Variants in ACOT11 observed in about 807,000 individuals in gnomAD.
ACOT11 encodes the protein acyl-CoA thioesterase 11, also known as acyl-coenzyme A thioesterase 11.
In ACOT11, 69 loss-of-function variants were observed where a neutral mutation model predicts 77.5. The ratio of observed to expected loss-of-function variants is 0.89; its 90% CI spans 0.73 to 1.09. ACOT11 has a LOEUF of 1.09. ACOT11 is among the 50% of genes least tolerant of loss of function. The pLI is 0.00. For missense variants in ACOT11, 766 were observed against 813.7 expected, an observed-to-expected ratio of 0.94 and a Z score of 0.71; for synonymous variants, 279 against 313.0, an observed-to-expected ratio of 0.89 and a Z score of 1.15.
downstream of ACOT11, among the ~76,000 whole-genome samples, chr1:54,613,959 C>T (rs150358159): frequency 1.1e-3 from 171 of 152,290 alleles, 2 homozygotes; most frequent in African/African-American, 3.9e-3. Flanking sequence ...TAATATAGTT[C>T]CTGCATTAAT....
At chr1:54,601,760 T>C (rs1643967124) in intron 9 of ACOT11, among the ~76,000 whole-genome samples, 1 of 152,196 alleles carries the variant, frequency 6.6e-6, no homozygotes, top group African/African-American at 2.4e-5. Context: ...CCCCTCGAGC[T>C]TTCAGTCTCC....
rs1306565152 is a variant in ACOT11 at position 54,607,291 on chromosome 1, G to T, written c.1502+26G>T. On this transcript the variant is annotated intron_variant, in intron 14 of 15. Transcript: ENST00000343744. This position sits in a 1 kb window ranked among gnomAD's most constrained non-coding sequence, Gnocchi z 4.5. Reference sequence around the variant, plus strand: ...GTGTGTGCCTATCTGCTGTGGGGTGGGGGACACAACTGGACAGGGTGGTAG... The same window carrying T: ...GTGTGTGCCTATCTGCTGTGGGGTGTGGGACACAACTGGACAGGGTGGTAG... The T allele has an allele frequency of 6.2e-7, 1 of 1,613,426 alleles. No individual in the cohort carries two copies. Among genetic ancestry groups the T allele is most frequent in the South Asian group, 1.1e-5 (1 of 91,072 alleles).
intron 1 of ACOT11, among the ~76,000 whole-genome samples, chr1:54,570,233 G>A (rs550960569): frequency 4.6e-5 from 7 of 152,288 alleles, no homozygotes; most frequent in African/African-American, 1.7e-4. Context: ...GGGCGTCTGC[G>A]GGAGGCTTCG....
rs1225877130 is a variant in ACOT11, at chr1:54,620,013, AGG to A, written c.1630-10720_1630-10719del. The A allele has an allele frequency of 4.4e-6, 7 of 1,578,382 alleles. No homozygotes were observed. The South Asian group carries it at 6.6e-5, about 15-fold the overall frequency. On this transcript the variant is annotated intron_variant, in intron 15 of 16. Transcript: ENST00000371316. ...GCAGGCCTCCAGCTCACAGCCTGGAAGGAATCCCAAGGGGCTGTTAGCGTCTG... is the reference window on the plus strand; with the variant it reads ...GCAGGCCTCCAGCTCACAGCCTGGAAAATCCCAAGGGGCTGTTAGCGTCTG...
chr1:54,588,423 G>A (rs1654581973), intron 3 of ACOT11, among the ~76,000 whole-genome samples: 1 of 152,144 alleles, frequency 6.6e-6, no homozygotes, highest in South Asian at 2.1e-4. Flanking sequence ...TTATTTTACA[G>A]ATGAGGAAAC....
intron 9 of ACOT11, among the ~76,000 whole-genome samples, chr1:54,602,214 G>C (rs1643973092): frequency 6.6e-6 from 1 of 152,206 alleles, no homozygotes; most frequent in South Asian, 2.1e-4. Context: ...CCTTACCCCT[G>C]TGGCCTTGGC....
At chr1:54,623,240 G>A (rs775895226) in intron 15 of ACOT11, 2 of 1,415,404 alleles carry the variant, frequency 1.4e-6, no homozygotes, top group South Asian at 1.2e-5. Context: ...CGAGCGATGA[G>A]GGAAGCCACT....
intron 1 of ACOT11, among the ~76,000 whole-genome samples, chr1:54,567,186 C>G (rs393750): frequency 0.093 from 14,155 of 152,072 alleles, 1,009 homozygotes; most frequent in African/African-American, 0.19. Flanking sequence ...TATTTCTACA[C>G]TGATCTCCCC....
At chr1:54,575,156 T>A (rs1233806066) in intron 1 of ACOT11, among the ~76,000 whole-genome samples, 2 of 152,358 alleles carry the variant, frequency 1.3e-5, no homozygotes, top group Admixed American at 1.3e-4. Flanking sequence ...AGGAAAGGGC[T>A]GTGCTCGAGC....
intron 4 of ACOT11, among the ~76,000 whole-genome samples, chr1:54,592,872 G>A (rs1044742675): frequency 1.3e-5 from 2 of 152,210 alleles, no homozygotes; most frequent in African/African-American, 2.4e-5. Context: ...TGTGGGACTT[G>A]ACTTCCAGGC....
intron 4 of ACOT11, among the ~76,000 whole-genome samples, 159 bp from the exon 5 acceptor site, chr1:54,593,782 C>T (rs534445161): frequency 2.6e-5 from 4 of 152,076 alleles, no homozygotes; most frequent in Admixed American, 2.6e-4. Context: ...CAGAGTCAAA[C>T]CCCCCCTCAG....
chr1:54,553,035 C>T (rs1295209668), intron 1 of ACOT11, among the ~76,000 whole-genome samples: 1 of 150,170 alleles, frequency 6.7e-6, no homozygotes, highest in African/African-American at 2.4e-5. Flanking sequence ...CCATGTTGGT[C>T]AGGCTGGTCT....
At chr1:54,550,170 T>C (rs1399976139) in intron 1 of ACOT11, among the ~76,000 whole-genome samples, 2 of 152,164 alleles carry the variant, frequency 1.3e-5, no homozygotes, top group Non-Finnish European at 2.9e-5. Flanking sequence ...GAGTCTGAGC[T>C]CTTAAGGAGC....
exon 17 of ACOT11, chr1:54,638,295 A>G (rs1644342225): frequency 6.6e-6 from 1 of 152,250 alleles, no homozygotes; most frequent in South Asian, 2.1e-4. Context: ...GCTCCTACAT[A>G]CAGTGAAAAT....
intron 15 of ACOT11, chr1:54,621,736 G>A (rs1442250716): frequency 1.3e-5 from 2 of 152,856 alleles, no homozygotes; most frequent in African/African-American, 4.8e-5. Context: ...CAGAGCCCTT[G>A]AGGCTCAGGA....
At position 54,607,171 on chromosome 1, in the gene ACOT11, G is replaced by A. The variant is rs760640782; in HGVS notation, c.1408G>A (p.Ala470Thr). The change falls in exon 14 of 16, where the codon GCC (alanine) becomes ACC (threonine). Residue 470 changes from alanine (A) to threonine (T), a missense_variant. By Grantham distance (58) the Ala-to-Thr change is moderately conservative. Coordinates refer to ENST00000343744, the MANE Select transcript of ACOT11 (RefSeq NM_147161.4). The surrounding 1 kb of genome is among the most constrained non-coding windows in gnomAD (Gnocchi z 4.5). ...AGTGCAGCAGGTAGACGAGGACGAC[G>A]CCATCTACCACGTCACCAGCCCTGC... ...ELVQQVDEDD[A>T]IYHVTSPALG... 1.8e-5 allele frequency: 29 copies of A among 1,614,004 alleles called. No homozygotes were observed. In the Admixed American group the frequency reaches 4.3e-4, roughly 24 times the overall value.
At chr1:54,590,014 G>A (rs910319534) in intron 3 of ACOT11, among the ~76,000 whole-genome samples, 10 of 151,930 alleles carry the variant, frequency 6.6e-5, no homozygotes, top group African/African-American at 2.4e-4. Context: ...CATGAACCCA[G>A]GAGGCAGAGC....
At chr1:54,597,723 T>G in intron 7 of ACOT11, 1 of 373,602 alleles carries the variant, frequency 2.7e-6, no homozygotes, top group Admixed American at 4.4e-5. Context: ...AGTATCTATG[T>G]TCGCTTCACA....
intron 9 of ACOT11, among the ~76,000 whole-genome samples, chr1:54,601,794 A>T (rs1222107290): frequency 1.3e-5 from 2 of 152,214 alleles, no homozygotes; most frequent in African/African-American, 4.8e-5. Flanking sequence ...GTGTATCTGC[A>T]GTCCCTACCT....
Sources: gnomAD v4.1 joint callset for allele counts (sites outside exome capture counted in the v4.1 genomes callset) on GRCh38, gnomAD v4.1.1 for gene constraint, Gnocchi (gnomAD v3.1) non-coding constraint, MANE v1.5 for transcripts, NCBI Gene and HGNC (gene_info 2026-07-23, HGNC 2026-07-21) for gene names.